ITGBL1: variants seen among roughly 807,000 people sequenced by gnomAD.
ITGBL1 encodes integrin subunit beta like 1.
A neutral mutation model predicts 68.5 loss-of-function variants in ITGBL1; 51 were observed. The ratio of observed to expected loss-of-function variants is 0.74; its 90% confidence interval spans 0.59 to 0.94. ITGBL1 has a LOEUF of 0.94. ITGBL1 is among the 40% of genes least tolerant of loss of function. The pLI, the probability that ITGBL1 is intolerant of heterozygous loss-of-function variation, is 0.00. For missense variants in ITGBL1, 649 were observed against 647.4 expected, an observed-to-expected ratio of 1.00 and a Z score of -0.03; for synonymous variants, 209 against 227.3, an observed-to-expected ratio of 0.92 and a Z score of 0.72.
At chr13:101,574,826 G>A (rs1008846562) in intron 3 of ITGBL1, among the ~76,000 whole-genome samples, 1 of 152,054 alleles carries the variant, frequency 6.6e-6, no homozygotes, top group African/African-American at 2.4e-5. Context: ...AGAATCTGGT[G>A]AGTTACCAGC....
chr13:101,501,998 T>G (rs1566704201), intron 2 of ITGBL1, among the ~76,000 whole-genome samples: 1 of 152,112 alleles, frequency 6.6e-6, no homozygotes, highest in Non-Finnish European at 1.5e-5. Flanking sequence ...AAGGGCATTT[T>G]TGGGTGAGCC....
chr13:101,688,708 G>A (rs945557170), intron 7 of ITGBL1, among the ~76,000 whole-genome samples: 1 of 152,082 alleles, frequency 6.6e-6, no homozygotes, highest in Non-Finnish European at 1.5e-5. Flanking sequence ...AATTTGTCGT[G>A]GGACATATTT....
intron 6 of ITGBL1, among the ~76,000 whole-genome samples, chr13:101,585,238 A>G (rs2050532008): frequency 6.6e-6 from 1 of 152,176 alleles, no homozygotes; most frequent in Non-Finnish European, 1.5e-5. Flanking sequence ...GAAATAGGGA[A>G]TATGGAAGGA....
In ITGBL1 at chr13:101,452,908, T is replaced by C. The variant is rs2048184403; in HGVS notation, c.75T>C (p.Pro25=). Residue 25 remains proline, a synonymous_variant, in exon 1 of 11, where the codon CCT becomes CCC. Coordinates refer to ENST00000376180, the MANE Select transcript of ITGBL1 (RefSeq NM_004791.3). ...SLLFAGLSAV[P]QSFSPSLRSW... ...TCTTTGCTGGGTTGTCAGCTGTTCC[T>C]CAAAGCTTCTCGCCATCTCTGAGGT... 6.2e-7 allele frequency: 1 copy of C among 1,614,176 alleles called. No homozygotes were observed.
intron 6 of ITGBL1, among the ~76,000 whole-genome samples, chr13:101,592,987 T>C (rs2050680860): frequency 2.0e-5 from 3 of 151,994 alleles, no homozygotes; most frequent in Admixed American, 6.6e-5. Context: ...TAGACCTACA[T>C]AATGGGAGAA....
At chr13:101,718,830 A>G (rs1236593473), downstream of ITGBL1, 2 of 152,106 alleles carry the variant, frequency 1.3e-5, no homozygotes, top group African/African-American at 2.4e-5. Context: ...TGCAGACTCA[A>G]CTGTCAACAC....
intron 2 of ITGBL1, among the ~76,000 whole-genome samples, chr13:101,560,410 T>C (rs1370591920): frequency 1.3e-5 from 2 of 152,208 alleles, no homozygotes; most frequent in African/African-American, 4.8e-5. Context: ...CATGAGGCTG[T>C]AGCAGTGGTA....
intron 5 of ITGBL1, among the ~76,000 whole-genome samples, chr13:101,582,297 A>G (rs114578048): frequency 0.014 from 2,141 of 152,060 alleles, 43 homozygotes; most frequent in African/African-American, 0.048. Context: ...TTCCTTTTTT[A>G]GTAATTGTGC....
At chr13:101,509,225 A>G (rs1302420891) in intron 2 of ITGBL1, among the ~76,000 whole-genome samples, 1 of 152,002 alleles carries the variant, frequency 6.6e-6, no homozygotes, top group Non-Finnish European at 1.5e-5. Flanking sequence ...CCATTTTTTA[A>G]ACCATCAGAT....
In ITGBL1 at chr13:101,682,290, G is replaced by A. The variant is rs557535843; in HGVS notation, c.1016-10295G>A. Among the ~76,000 whole-genome samples the A allele has an allele frequency of 1.2e-4, 18 of 152,100 alleles. 1 individual carries two copies. The South Asian group carries it at 3.7e-3, about 32-fold the overall frequency. ...GTCACAAGCTACTCTTTTTCATTTT[G>A]TCTTATACTTTAGATATACTGACTT... On this transcript the variant is annotated intron_variant, in intron 7 of 10. Coordinates refer to ENST00000376180, the MANE Select transcript of ITGBL1 (RefSeq NM_004791.3).
chr13:101,617,054 G>A (rs565741978), intron 7 of ITGBL1, among the ~76,000 whole-genome samples: 93 of 152,236 alleles, frequency 6.1e-4, no homozygotes, highest in Middle Eastern at 3.4e-3. Context: ...ATCAACAAAG[G>A]TGGCAGTGAT....
rs1324169778 is a variant in ITGBL1 at position 101,605,363 on chromosome 13, C to T, written c.1015+7064C>T. Among the ~76,000 whole-genome samples, 5 of 125,712 alleles carry T rather than the reference C, an allele frequency of 4.0e-5. No homozygotes were observed. In the East Asian group the frequency reaches 6.5e-4, roughly 16 times the overall value. 82.5% of individuals were successfully genotyped at this position (125,712 alleles called of 152,430 possible). On this transcript the variant is annotated intron_variant, in intron 7 of 10. Coordinates refer to ENST00000376180, the MANE Select transcript of ITGBL1 (RefSeq NM_004791.3). ...ACACATATCTAGACATGTATGTGTG[C>T]ATATGCGTATATATACACATATATG...
intron 4 of ITGBL1, among the ~76,000 whole-genome samples, chr13:101,578,344 C>A (rs1484600251): frequency 6.6e-6 from 1 of 151,936 alleles, no homozygotes; most frequent in Non-Finnish European, 1.5e-5. Flanking sequence ...AAGACTTTAG[C>A]CATAGACTGA....
At chr13:101,482,753 G>A (rs750726837) in intron 2 of ITGBL1, among the ~76,000 whole-genome samples, 28 of 152,118 alleles carry the variant, frequency 1.8e-4, no homozygotes, top group African/African-American at 5.3e-4. Context: ...TTTGGGGTCC[G>A]TATAATAGAA....
At chr13:101,540,880 C>T (rs2049684654) in intron 2 of ITGBL1, among the ~76,000 whole-genome samples, 1 of 142,492 alleles carries the variant, frequency 7.0e-6, no homozygotes, top group Non-Finnish European at 1.5e-5. Context: ...TATAAGAATG[C>T]TTGTGATTTT....
intron 2 of ITGBL1, among the ~76,000 whole-genome samples, chr13:101,548,883 G>T (rs974995868): frequency 6.6e-6 from 1 of 151,558 alleles, no homozygotes; most frequent in African/African-American, 2.4e-5. Context: ...CTCTCTCCAA[G>T]AAATTCCAAG....
intron 2 of ITGBL1, among the ~76,000 whole-genome samples, chr13:101,455,678 TAAATA>T (rs1159593541): frequency 6.6e-6 from 1 of 152,174 alleles, no homozygotes; most frequent in Non-Finnish European, 1.5e-5. Context: ...AATAAATTAA[TAAATA>T]AAATTAAAAT....
rs79928901 is a variant in ITGBL1 at position 101,620,190 on chromosome 13, T to G, written c.1015+21891T>G. ...TACATTGCAATTTGGGATGCATGTC[T>G]TTGTCTAACGTAGATAAGTAGATTC... is the stretch of plus-strand genomic sequence containing the variant. On this transcript the variant is annotated intron_variant, in intron 7 of 10. Coordinates refer to ENST00000376180, the MANE Select transcript of ITGBL1 (RefSeq NM_004791.3). Among the ~76,000 whole-genome samples, 851 of 152,288 alleles carry G rather than the reference T, an allele frequency of 5.6e-3. 11 individuals carry two copies. Among genetic ancestry groups the G allele is most frequent in the African/African-American group, 0.019 (801 of 41,576 alleles).
At position 101,454,072 on chromosome 13, in the gene ITGBL1, C is replaced by T. The variant is rs2048203994; in HGVS notation, c.288C>T (p.Cys96=). 4 of 1,584,254 alleles carry T rather than the reference C, an allele frequency of 2.5e-6. No homozygotes were observed. The highest frequency in any genetic ancestry group is 4.6e-5 in the East Asian group (2 of 43,256). The change falls in exon 2 of 11, where the codon TGC becomes TGT. Residue 96 remains cysteine, a synonymous_variant. Transcript: ENST00000376180. ...GPLCECHEWV[C]ETYDGSTCAG... Reference sequence around the variant, plus strand: ...TGTGTGAGTGCCATGAGTGGGTGTGCGAGACCTACGACGGGAGCACCTGTG... The same window carrying T: ...TGTGTGAGTGCCATGAGTGGGTGTGTGAGACCTACGACGGGAGCACCTGTG...
Sources: allele counts gnomAD v4.1 joint callset (sites outside exome capture counted in the v4.1 genomes callset), GRCh38; gene constraint gnomAD v4.1.1; transcripts MANE v1.5; gene names NCBI Gene and HGNC (gene_info 2026-07-23, HGNC 2026-07-21).